Variants in WDR35 observed in about 807,000 individuals in gnomAD.
The protein encoded by WDR35 is WD repeat-containing protein 35.
In WDR35, 118 loss-of-function variants were observed where a neutral mutation model predicts 158.3. The observed-to-expected ratio is 0.75, with a 90% CI of 0.64 to 0.87. The LOEUF (loss-of-function observed/expected upper bound fraction) is 0.87. WDR35 is among the 40% of genes least tolerant of loss of function. The pLI, the probability that WDR35 is intolerant of heterozygous loss-of-function variation, is 0.00. For missense variants in WDR35, 1,263 were observed against 1,405.8 expected (o/e 0.90, Z 1.62); for synonymous variants, 448 against 476.1 (o/e 0.94, Z 0.77).
intron 25 of WDR35, among the ~76,000 whole-genome samples, chr2:19,926,872 C>T (rs1207111196): frequency 6.7e-6 from 1 of 150,180 alleles, no homozygotes; most frequent in Non-Finnish European, 1.5e-5. Flanking sequence ...GAGCCAGATG[C>T]CAAGGAAGAG....
chr2:19,948,051 C>A, intron 14 of WDR35, 113 bp downstream of exon 14: 1 of 830,846 alleles, frequency 1.2e-6, no homozygotes, highest in Admixed American at 2.5e-5. Context: ...AATCCTCCTG[C>A]TTCAGCTTCC....
At position 19,948,216 on chromosome 2, in the gene WDR35, C is replaced by A. The variant is rs747293102; in HGVS notation, c.1472G>T (p.Gly491Val). 2 of 1,609,554 alleles carry A rather than the reference C, an allele frequency of 1.2e-6. No homozygotes were observed. Among genetic ancestry groups the A allele is most frequent in the Non-Finnish European group, 1.7e-6 (2 of 1,178,452 alleles). The part of the protein sequence containing the change: ...GVLDYSKTIQ[G>V]TRDPICAITA... The stretch of plus-strand genomic sequence containing the variant: ...TATGGCACAAATTGGATCCCTTGTG[C>A]CCTAAAATAAATTAATCAATCATTA... The change falls in exon 14 of 27, where the codon GGC becomes GTC. Residue 491 changes from glycine (G) to valine (V), a missense_variant and splice_region_variant. Gly to Val is a moderately radical substitution (Grantham distance 109). Transcript: ENST00000281405.
chr2:19,912,670 G>A lies in WDR35; in HGVS notation c.*888C>T, dbSNP rs1430371029. ...AATGGGAATTCATGAGAAATAAACAGAGAACATTATTAGCTATGTAAAAGA... is the reference window on the plus strand; with the variant it reads ...AATGGGAATTCATGAGAAATAAACAAAGAACATTATTAGCTATGTAAAAGA... On this transcript the variant is annotated 3_prime_UTR_variant, in exon 27 of 27. Coordinates refer to ENST00000281405, the MANE Select transcript of WDR35 (RefSeq NM_020779.4). 6.6e-6 allele frequency: 1 copy of A among 152,152 alleles called. No individual in the cohort carries two copies. Among genetic ancestry groups the A allele is most frequent in the Non-Finnish European group, 1.5e-5 (1 of 68,022 alleles). The allele number at this position is 152,152 out of a possible 1,614,324, so 9.4% of individuals were successfully genotyped here.
At position 19,935,522 on chromosome 2, in the gene WDR35, T is replaced by C. The variant is rs6741091; in HGVS notation, c.2496A>G (p.Glu832=). 0.44 allele frequency: 717,521 copies of C among 1,612,456 alleles called. 162,847 individuals carry two copies. Among genetic ancestry groups the C allele is most frequent in the East Asian group, 0.69 (30,864 of 44,748 alleles). ...AECYYMLEDY[E]GLENLAISLP... ...GTGAAATGGCAAGGTTCTCTAACCC[T>C]TCATAATCCTCTAACATATAGTAAC... Residue 832 remains glutamate, a synonymous_variant, in exon 21 of 27, where the codon GAA becomes GAG. Transcript: ENST00000281405.
In WDR35 at chr2:19,937,870, A is replaced by C; in HGVS notation, c.2140T>G (p.Tyr714Asp). The stretch of plus-strand genomic sequence containing the variant: ...CGCTTCACAAACTTAATGCCTTGGT[A>C]ATCTTTGCAGCGCACAAATGCTTGC... ...AEQAFVRCKD[Y>D]QGIKFVKRLG... Residue 714 changes from tyrosine to aspartate, a missense_variant, in exon 19 of 27, where the codon TAC (tyrosine) becomes GAC (aspartate). By Grantham distance (160) the Tyr-to-Asp change is radical. Transcript: ENST00000281405. The C allele has an allele frequency of 1.2e-6, 2 of 1,614,170 alleles. No homozygotes were observed. The highest frequency in any genetic ancestry group is 1.7e-6 in the Non-Finnish European group (2 of 1,180,016).
At chr2:19,975,943 A>C (rs926394246) in intron 5 of WDR35, among the ~76,000 whole-genome samples, 3 of 152,184 alleles carry the variant, frequency 2.0e-5, no homozygotes, top group African/African-American at 7.2e-5. Context: ...AAGAAAATAA[A>C]AGCACCCAAA....
intron 14 of WDR35, among the ~76,000 whole-genome samples, chr2:19,946,882 T>G (rs1671078092): frequency 6.6e-6 from 1 of 152,196 alleles, no homozygotes; most frequent in Non-Finnish European, 1.5e-5. Context: ...TTATATTTGT[T>G]ATCTAGGTTA....
At chr2:19,970,581 T>C (rs1182278241) in intron 8 of WDR35, among the ~76,000 whole-genome samples, 1 of 152,220 alleles carries the variant, frequency 6.6e-6, no homozygotes, top group African/African-American at 2.4e-5. Flanking sequence ...CTTTTAAAAA[T>C]CAGTAAATCC....
Position 19,911,126 on chromosome 2 carries a change from A to C in WDR35, c.*2432T>G, listed in dbSNP as rs922624860. 12 of 152,190 alleles carry C rather than the reference A, an allele frequency of 7.9e-5. No homozygotes were observed. Among genetic ancestry groups the C allele is most frequent in the African/African-American group, 2.9e-4 (12 of 41,454 alleles). The allele number at this position is 152,190 out of a possible 1,614,324, so 9.4% of individuals were successfully genotyped here. A position where few individuals can be genotyped will look rare whatever the true frequency, so the allele number is the denominator to read the frequency against. ...GGGAAAATTCTAGGGCTCAGGCAGC[A>C]CAGAATTAGGGGGAAATGAGAAGCC... On this transcript the variant is annotated 3_prime_UTR_variant, in exon 27 of 27. Transcript: ENST00000281405.
At chr2:19,927,863 G>A (rs1025465105) in intron 25 of WDR35, among the ~76,000 whole-genome samples, 1 of 152,188 alleles carries the variant, frequency 6.6e-6, no homozygotes, top group Non-Finnish European at 1.5e-5. Context: ...TAATTTCAAT[G>A]ATGATTGTGC....
rs777958474 is a variant in WDR35, at chr2:19,974,387, C to T, written c.736+81G>A. On this transcript the variant is annotated intron_variant, in intron 7 of 26. Transcript: ENST00000281405. ...TCGTGCCACTGCACTCCAGCCTGGG[C>T]GACAGAGTGAGACTCCATCTCAAAA... 62 of 1,372,548 alleles carry T rather than the reference C, an allele frequency of 4.5e-5. 1 individual carries two copies. The highest frequency in any genetic ancestry group is 9.9e-5 in the Admixed American group (4 of 40,602). 85.0% of individuals were successfully genotyped at this position (1,372,548 alleles called of 1,614,324 possible).
chr2:19,930,320 C>T, intron 25 of WDR35, 76 bp downstream of exon 25: 6 of 1,600,380 alleles, frequency 3.7e-6, no homozygotes, highest in Non-Finnish European at 4.3e-6. Context: ...CACATAAAGG[C>T]AAATTGAAGA....
At chr2:19,979,941 T>C (rs993760474) in intron 4 of WDR35, among the ~76,000 whole-genome samples, 1 of 152,204 alleles carries the variant, frequency 6.6e-6, no homozygotes, top group African/African-American at 2.4e-5. Context: ...CTTTTGAAGA[T>C]GATAACTACA....
intron 11 of WDR35, among the ~76,000 whole-genome samples, chr2:19,956,451 G>A (rs1223494204): frequency 6.6e-6 from 1 of 152,008 alleles, no homozygotes; most frequent in Admixed American, 6.6e-5. Flanking sequence ...CTGTGGCCTT[G>A]AATAAATTAT....
At chr2:19,927,390 C>A (rs974358121) in intron 25 of WDR35, among the ~76,000 whole-genome samples, 2 of 152,136 alleles carry the variant, frequency 1.3e-5, no homozygotes, top group African/African-American at 4.8e-5. Flanking sequence ...CACAATGATT[C>A]CTATGGAATC....
intron 14 of WDR35, among the ~76,000 whole-genome samples, chr2:19,947,457 G>A (rs1671095213): frequency 6.6e-6 from 1 of 152,106 alleles, no homozygotes; most frequent in South Asian, 2.1e-4. Flanking sequence ...TAATTCAAAT[G>A]CAATAACCCC....
chr2:19,969,547 C>T lies in WDR35; in HGVS notation c.941G>A (p.Gly314Asp). The change falls in exon 9 of 27, where the codon GGT (glycine) becomes GAT (aspartate). Residue 314 changes from glycine (G) to aspartate (D), a missense_variant. By Grantham distance (94) the Gly-to-Asp change is moderately conservative (BLOSUM62 -1). Coordinates refer to ENST00000281405, the MANE Select transcript of WDR35 (RefSeq NM_020779.4). The stretch of plus-strand genomic sequence containing the variant: ...AACAGCTAGTGCAATTTTCAGTCCA[C>T]CTCCTTCCCAAGATAGTGCAGATAT... ...KEISALSWEG[G>D]GLKIALAVDS... The T allele has an allele frequency of 6.2e-7, 1 of 1,613,892 alleles. No homozygotes were observed. The highest frequency in any genetic ancestry group is 1.1e-5 in the South Asian group (1 of 91,076).
At chr2:19,982,586 T>C in intron 2 of WDR35, 52 bp from the exon 3 acceptor site, 2 of 1,574,090 alleles carry the variant, frequency 1.3e-6, no homozygotes, top group Non-Finnish European at 1.7e-6. Flanking sequence ...AGTGACATAT[T>C]ATAAGATTTT....
Position 19,931,265 on chromosome 2 carries a change from T to G in WDR35, c.2964+4A>C. 1 of 1,613,016 alleles carries G rather than the reference T, an allele frequency of 6.2e-7. No individual in the cohort carries two copies. On this transcript the variant is annotated splice_donor_region_variant and intron_variant, in intron 24 of 26. Transcript: ENST00000281405. Reference sequence around the variant, plus strand: ...ATGTAATGTTATTTAACGTGCTACTTTACCTCTGAACTTTTTCCTTTAACT... The same window carrying G: ...ATGTAATGTTATTTAACGTGCTACTGTACCTCTGAACTTTTTCCTTTAACT...
Sources: gnomAD v4.1 joint callset for allele counts (sites outside exome capture counted in the v4.1 genomes callset) on GRCh38, gnomAD v4.1.1 for gene constraint, MANE v1.5 for transcripts, NCBI Gene and HGNC (gene_info 2026-07-23, HGNC 2026-07-21) for gene names.